Variants in ASIC2 observed in about 807,000 individuals in gnomAD.
ASIC2 encodes acid sensing ion channel subunit 2.
In ASIC2, 25 loss-of-function variants were observed where a neutral mutation model predicts 57.3. The ratio of observed to expected loss-of-function variants is 0.44; its 90% CI spans 0.32 to 0.61. The LOEUF (loss-of-function observed/expected upper bound fraction) is 0.61. Ranked by LOEUF, ASIC2 falls within the 20% of genes least tolerant of loss-of-function variation. The pLI is 0.06. For synonymous variants in ASIC2, 319 were observed against 307.5 expected, an observed-to-expected ratio of 1.04 and a Z score of -0.39; for missense variants, 641 against 738.1, an observed-to-expected ratio of 0.87 and a Z score of 1.52.
intron 1 of ASIC2, among the ~76,000 whole-genome samples, chr17:33,273,328 T>C (rs1325590602): frequency 6.6e-6 from 1 of 152,232 alleles, no homozygotes; most frequent in Non-Finnish European, 1.5e-5. Context: ...TTATCGAAGA[T>C]GAATCCTTCA....
chr17:33,163,278 T>C (rs183012769), intron 1 of ASIC2, among the ~76,000 whole-genome samples: 1 of 152,278 alleles, frequency 6.6e-6, no homozygotes, highest in African/African-American at 2.4e-5. Context: ...AGAGGAATCA[T>C]ATAAGTTCTC....
intron 1 of ASIC2, among the ~76,000 whole-genome samples, chr17:34,031,418 G>A (rs137950663): frequency 0.012 from 1,758 of 152,198 alleles, 32 homozygotes; most frequent in African/African-American, 0.04. Flanking sequence ...GGAAAAAAAC[G>A]GAGGAGAAAA....
At chr17:33,079,262 T>C (rs917003639) in intron 3 of ASIC2, among the ~76,000 whole-genome samples, 1 of 152,200 alleles carries the variant, frequency 6.6e-6, no homozygotes, top group East Asian at 1.9e-4. Context: ...GGTTATAATG[T>C]GTACATTTTA....
intron 1 of ASIC2, among the ~76,000 whole-genome samples, chr17:33,137,531 G>T (rs1174651578): frequency 6.6e-6 from 1 of 152,252 alleles, no homozygotes; most frequent in Non-Finnish European, 1.5e-5. Flanking sequence ...CTGGGGCTTA[G>T]CCCTGCAGGG....
chr17:33,847,083 G>T (rs1037567387), intron 1 of ASIC2, among the ~76,000 whole-genome samples: 7 of 151,524 alleles, frequency 4.6e-5, no homozygotes, highest in African/African-American at 1.7e-4. Flanking sequence ...CTAAACCCAG[G>T]CACCTAAAGG....
At chr17:33,288,566 T>C (rs1905286228) in intron 1 of ASIC2, among the ~76,000 whole-genome samples, 1 of 152,138 alleles carries the variant, frequency 6.6e-6, no homozygotes, top group Admixed American at 6.5e-5. Flanking sequence ...TGAGCAGTGC[T>C]TTAGAGACTA....
chr17:33,203,162 G>A (rs1425107953), intron 1 of ASIC2, among the ~76,000 whole-genome samples: 1 of 152,132 alleles, frequency 6.6e-6, no homozygotes, highest in African/African-American at 2.4e-5. Flanking sequence ...CTCCACTAGT[G>A]CCTGTATTAT....
intron 3 of ASIC2, among the ~76,000 whole-genome samples, chr17:33,031,406 T>C (rs1394916694): frequency 1.3e-5 from 2 of 152,194 alleles, no homozygotes; most frequent in Non-Finnish European, 2.9e-5. Context: ...TTTTTCCTTA[T>C]TGTTAATAAT....
At chr17:33,059,946 C>T (rs1184994108) in intron 3 of ASIC2, among the ~76,000 whole-genome samples, 1 of 152,190 alleles carries the variant, frequency 6.6e-6, no homozygotes, top group Admixed American at 6.5e-5. Flanking sequence ...CTGTTGGCAG[C>T]ATCAATGTCT....
chr17:33,136,605 G>A (rs929307869), intron 1 of ASIC2, among the ~76,000 whole-genome samples: 5 of 152,168 alleles, frequency 3.3e-5, no homozygotes, highest in African/African-American at 1.2e-4. Flanking sequence ...GTGTGAGTTG[G>A]GGAAAGATGA....
chr17:33,861,618 A>G (rs1914103927), intron 1 of ASIC2, among the ~76,000 whole-genome samples: 1 of 152,216 alleles, frequency 6.6e-6, no homozygotes, highest in South Asian at 2.1e-4. Flanking sequence ...CAGCTCAGGA[A>G]CTTTGAACAG....
intron 1 of ASIC2, among the ~76,000 whole-genome samples, chr17:34,069,063 C>CCTGTGAACTCCACTGAA (rs1909281684): frequency 1.3e-5 from 2 of 152,206 alleles, no homozygotes; most frequent in Admixed American, 6.5e-5. Context: ...GTGGGCTACT[C>CCTGTGAACTCCACTGAA]CTACCCCTCT....
intron 2 of ASIC2, among the ~76,000 whole-genome samples, chr17:33,106,896 T>C (rs2092236989): frequency 6.6e-6 from 1 of 152,158 alleles, no homozygotes; most frequent in Admixed American, 6.5e-5. Flanking sequence ...CTGTTTCTAG[T>C]GACAGAATGA....
chr17:34,070,397 T>C (rs1310372761), intron 1 of ASIC2: 1 of 152,120 alleles, frequency 6.6e-6, no homozygotes, highest in Non-Finnish European at 1.5e-5. Flanking sequence ...ATGATTCCCC[T>C]TCCTTCTTGA....
intron 1 of ASIC2, among the ~76,000 whole-genome samples, chr17:33,553,630 C>G (rs948229105): frequency 1.3e-5 from 2 of 152,078 alleles, no homozygotes; most frequent in Non-Finnish European, 2.9e-5. Context: ...AGCCACTGTG[C>G]CCAGCTGAGA....
chr17:33,893,665 G>T (rs189088913), intron 1 of ASIC2, among the ~76,000 whole-genome samples: 1 of 152,254 alleles, frequency 6.6e-6, no homozygotes, highest in East Asian at 1.9e-4. Flanking sequence ...GGTCTCAAAG[G>T]TCCATTCTGG....
chr17:33,067,689 C>A (rs2092049549), intron 3 of ASIC2, among the ~76,000 whole-genome samples: 2 of 152,224 alleles, frequency 1.3e-5, no homozygotes, highest in Admixed American at 1.3e-4. Context: ...GTCTGACTTT[C>A]CAGAATGTCT....
intron 1 of ASIC2, among the ~76,000 whole-genome samples, chr17:33,513,153 G>T (rs1049476158): frequency 6.6e-6 from 1 of 152,232 alleles, no homozygotes; most frequent in African/African-American, 2.4e-5. Flanking sequence ...GTAGGAAGAA[G>T]AGAAACTAAT....
At chr17:34,030,040 A>T (rs898267346) in intron 1 of ASIC2, among the ~76,000 whole-genome samples, 1 of 152,122 alleles carries the variant, frequency 6.6e-6, no homozygotes, top group African/African-American at 2.4e-5. Context: ...AATCCCACAC[A>T]ATTGGCTCTT....
Sources: allele counts gnomAD v4.1 joint callset (sites outside exome capture counted in the v4.1 genomes callset), GRCh38; gene constraint gnomAD v4.1.1; transcripts MANE v1.5; gene names NCBI Gene and HGNC (gene_info 2026-07-23, HGNC 2026-07-21).